IRGM: variants seen among roughly 807,000 people sequenced by gnomAD.
IRGM encodes immunity-related GTPase family M protein.
For missense variants in IRGM, 288 were observed against 219.9 expected (o/e 1.31, Z -1.96); for synonymous variants, 98 against 80.6 (o/e 1.22, Z -1.16).
downstream of IRGM, chr5:150,848,722 T>G (rs993320446): frequency 7.8e-7 from 1 of 1,285,450 alleles, no homozygotes; most frequent in Non-Finnish European, 1.1e-6. Flanking sequence ...CCTTTTCTCC[T>G]TTATTTCACT....
At chr5:150,890,656 G>T (rs1193151390) in intron 3 of IRGM, among the ~76,000 whole-genome samples, 1 of 151,796 alleles carries the variant, frequency 6.6e-6, no homozygotes, top group African/African-American at 2.4e-5. Flanking sequence ...ATATAGTTGT[G>T]TTTTTATTTT....
At chr5:150,877,235 G>C (rs192445399) in intron 1 of IRGM, among the ~76,000 whole-genome samples, 57 of 152,232 alleles carry the variant, frequency 3.7e-4, no homozygotes, top group Admixed American at 1.1e-3. Flanking sequence ...TGTCTGTGAC[G>C]GTGTTGTCAA....
chr5:150,850,130 G>A (rs1167403049), downstream of IRGM, among the ~76,000 whole-genome samples: 3 of 152,184 alleles, frequency 2.0e-5, no homozygotes, highest in African/African-American at 4.8e-5. Context: ...GGGAACAAGA[G>A]AGTTTTCTGT....
At chr5:150,873,313 T>A (rs1754314483) in intron 1 of IRGM, among the ~76,000 whole-genome samples, 1 of 152,172 alleles carries the variant, frequency 6.6e-6, no homozygotes, top group Admixed American at 6.5e-5. Context: ...AGCCCCTCAA[T>A]CAATTTCCAG....
At chr5:150,885,932 G>A (rs1754514522) in intron 3 of IRGM, among the ~76,000 whole-genome samples, 1 of 151,864 alleles carries the variant, frequency 6.6e-6, no homozygotes, top group African/African-American at 2.4e-5. Context: ...CTCTGGCTAG[G>A]GCTTCCAATA....
intron 1 of IRGM, among the ~76,000 whole-genome samples, chr5:150,872,167 A>G (rs1754294391): frequency 6.6e-6 from 1 of 152,228 alleles, no homozygotes; most frequent in Admixed American, 6.5e-5. Context: ...CAGGAATAAA[A>G]AGGTTTTTGT....
intron 1 of IRGM, among the ~76,000 whole-genome samples, chr5:150,856,662 G>T (rs963441614): frequency 2.0e-5 from 3 of 150,410 alleles, no homozygotes; most frequent in African/African-American, 7.3e-5. Flanking sequence ...CAGAGACAGG[G>T]TATTGCTATG....
chr5:150,879,415 A>G (rs989633748), intron 2 of IRGM, among the ~76,000 whole-genome samples: 1 of 152,230 alleles, frequency 6.6e-6, no homozygotes. Flanking sequence ...AGAATTATTC[A>G]TGTGTTAAGA....
chr5:150,881,465 C>CA (rs1349350352), intron 3 of IRGM, among the ~76,000 whole-genome samples: 2 of 151,624 alleles, frequency 1.3e-5, no homozygotes, highest in Non-Finnish European at 1.5e-5. Context: ...ACCTGTGTTA[C>CA]AAAAAAATGC....
At chr5:150,861,326 A>G (rs1160524638) in intron 1 of IRGM, among the ~76,000 whole-genome samples, 4 of 152,110 alleles carry the variant, frequency 2.6e-5, no homozygotes, top group African/African-American at 9.7e-5. Flanking sequence ...GGACAATCAT[A>G]CCTCTTCTTT....
chr5:150,876,871 A>T (rs984824877), intron 1 of IRGM, among the ~76,000 whole-genome samples: 4 of 152,196 alleles, frequency 2.6e-5, no homozygotes, highest in South Asian at 2.1e-4. Flanking sequence ...AATTGTCATG[A>T]GTATTTCCTC....
At chr5:150,849,913 T>C (rs1045926786), downstream of IRGM, among the ~76,000 whole-genome samples, 3 of 152,138 alleles carry the variant, frequency 2.0e-5, no homozygotes, top group Non-Finnish European at 4.4e-5. Flanking sequence ...CCACCACATA[T>C]ATTTTATAAG....
chr5:150,897,631 A>G (rs950960812), intron 3 of IRGM: 1 of 167,482 alleles, frequency 6.0e-6, no homozygotes, highest in African/African-American at 2.4e-5. Flanking sequence ...CAGCCTCATC[A>G]GCATTTATGT....
chr5:150,862,289 G>A (rs777896529), intron 1 of IRGM, among the ~76,000 whole-genome samples: 21 of 152,200 alleles, frequency 1.4e-4, no homozygotes, highest in African/African-American at 3.1e-4. Context: ...ATAATCTTAC[G>A]TAATGTAGTC....
intron 3 of IRGM, among the ~76,000 whole-genome samples, chr5:150,893,047 G>T (rs1422500737): frequency 6.6e-6 from 1 of 151,920 alleles, no homozygotes; most frequent in East Asian, 1.9e-4. Context: ...GTATTTTCAG[G>T]CTTTCTTTTT....
chr5:150,901,875 T>C (rs184972792), downstream of IRGM, among the ~76,000 whole-genome samples: 1 of 152,238 alleles, frequency 6.6e-6, no homozygotes, highest in African/African-American at 2.4e-5. Context: ...TCTAAGTGTA[T>C]ACAAAAGACC....
intron 1 of IRGM, among the ~76,000 whole-genome samples, chr5:150,870,938 A>C (rs1203292072): frequency 6.6e-6 from 1 of 152,086 alleles, no homozygotes; most frequent in Non-Finnish European, 1.5e-5. Flanking sequence ...GAAAGCTCCA[A>C]ATTATGAGGA....
chr5:150,853,244 T>C (rs772624162), downstream of IRGM, among the ~76,000 whole-genome samples: 20 of 152,178 alleles, frequency 1.3e-4, no homozygotes, highest in Non-Finnish European at 2.5e-4. Context: ...AATTTTCCAG[T>C]TTTTCTTCTG....
At chr5:150,895,967 G>C in intron 3 of IRGM, 1 of 1,612,974 alleles carries the variant, frequency 6.2e-7, no homozygotes, top group Non-Finnish European at 8.5e-7. Flanking sequence ...TATGTATAAT[G>C]AGGTGGGACT....
Sources: gnomAD v4.1 joint callset for allele counts (sites outside exome capture counted in the v4.1 genomes callset) on GRCh38, gnomAD v4.1.1 for gene constraint, MANE v1.5 for transcripts, NCBI Gene and HGNC (gene_info 2026-07-23, HGNC 2026-07-21) for gene names.